The following GUCY1A2 variants were observed in gnomAD, a reference collection of about 807,000 sequenced individuals.
The protein encoded by GUCY1A2 is guanylate cyclase 1 soluble subunit alpha 2, also known as guanylate cyclase soluble subunit alpha-2.
In GUCY1A2, 27 loss-of-function variants were observed where a neutral mutation model predicts 63.5. The ratio of observed to expected loss-of-function variants is 0.43; its 90% CI spans 0.31 to 0.59. GUCY1A2 has a LOEUF of 0.59. Among genes scored for constraint, GUCY1A2 ranks in the 20% least tolerant of loss-of-function variants. The pLI, the probability that GUCY1A2 is intolerant of heterozygous loss-of-function variation, is 0.11. For synonymous variants in GUCY1A2, 364 were observed against 343.5 expected, an observed-to-expected ratio of 1.06 and a Z score of -0.66; for missense variants, 768 against 913.3, an observed-to-expected ratio of 0.84 and a Z score of 2.05.
chr11:106,695,542 C>T (rs1353182958), intron 7 of GUCY1A2, among the ~76,000 whole-genome samples: 1 of 152,104 alleles, frequency 6.6e-6, no homozygotes, highest in Non-Finnish European at 1.5e-5. Context: ...TGTAAAGTTC[C>T]TGAATTTTTC....
chr11:106,983,010 G>C (rs1242193513), intron 2 of GUCY1A2, among the ~76,000 whole-genome samples: 1 of 152,162 alleles, frequency 6.6e-6, no homozygotes, highest in East Asian at 1.9e-4. Flanking sequence ...CAGAACCTCT[G>C]GGAGCAGGGC....
chr11:106,709,463 G>T (rs191701635), intron 6 of GUCY1A2, among the ~76,000 whole-genome samples: 52,732 of 83,626 alleles, frequency 0.63, 17,587 homozygotes, highest in African/African-American at 0.77. Context: ...TATATTTATA[G>T]AATAATATAT....
intron 4 of GUCY1A2, among the ~76,000 whole-genome samples, chr11:106,912,457 A>G (rs1303668212): frequency 1.3e-5 from 2 of 152,134 alleles, no homozygotes; most frequent in African/African-American, 4.8e-5. Flanking sequence ...GTTTAAAAAA[A>G]TATGTTCTCC....
At chr11:106,717,188 A>G (rs1863231574) in intron 6 of GUCY1A2, among the ~76,000 whole-genome samples, 1 of 152,236 alleles carries the variant, frequency 6.6e-6, no homozygotes, top group South Asian at 2.1e-4. Flanking sequence ...AAGATACTCT[A>G]GCTGTGTGAA....
intron 4 of GUCY1A2, among the ~76,000 whole-genome samples, chr11:106,884,262 A>T (rs56210154): frequency 0.032 from 4,844 of 152,272 alleles, 243 homozygotes; most frequent in African/African-American, 0.11. Context: ...CTGTTTTTAC[A>T]AAGTAATATT....
chr11:106,924,314 T>C (rs1332880637), intron 4 of GUCY1A2, among the ~76,000 whole-genome samples: 8 of 152,216 alleles, frequency 5.3e-5, no homozygotes, highest in Non-Finnish European at 1.2e-4. Context: ...TTATACCTTC[T>C]GCATTAATCA....
chr11:106,880,978 C>T (rs1859815212), intron 4 of GUCY1A2, among the ~76,000 whole-genome samples: 1 of 152,076 alleles, frequency 6.6e-6, no homozygotes, highest in African/African-American at 2.4e-5. Flanking sequence ...TAACTAACTG[C>T]AGGACTAAAG....
At chr11:106,856,482 A>G (rs933053434) in intron 4 of GUCY1A2, among the ~76,000 whole-genome samples, 8 of 152,058 alleles carry the variant, frequency 5.3e-5, no homozygotes, top group Non-Finnish European at 8.8e-5. Context: ...TTCCTTATCT[A>G]CAACTCAGAG....
chr11:106,867,649 C>A (rs1234241961), intron 4 of GUCY1A2, among the ~76,000 whole-genome samples: 5 of 151,972 alleles, frequency 3.3e-5, no homozygotes, highest in Non-Finnish European at 5.9e-5. Flanking sequence ...ATGCTAAGGA[C>A]CATTATAGCA....
chr11:106,796,481 A>C (rs1279202413), intron 5 of GUCY1A2, among the ~76,000 whole-genome samples: 1 of 152,060 alleles, frequency 6.6e-6, no homozygotes. Context: ...TTCCTTCAGG[A>C]TGTCTCAGCA....
intron 4 of GUCY1A2, chr11:106,936,674 T>G: frequency 2.0e-6 from 3 of 1,533,190 alleles, no homozygotes; most frequent in Non-Finnish European, 2.6e-6. Context: ...ATCCTGCCAC[T>G]GATAACTGCG....
At chr11:106,839,603 C>T (rs1037826722) in intron 4 of GUCY1A2, among the ~76,000 whole-genome samples, 14 of 151,936 alleles carry the variant, frequency 9.2e-5, no homozygotes, top group African/African-American at 3.4e-4. Context: ...AGACTTGGAA[C>T]CAACCCAAAT....
At chr11:106,917,839 T>C (rs1205216448) in intron 4 of GUCY1A2, among the ~76,000 whole-genome samples, 1 of 138,816 alleles carries the variant, frequency 7.2e-6, no homozygotes, top group African/African-American at 2.5e-5. Flanking sequence ...ATATACCTAA[T>C]GTTAAATGAT....
Position 106,945,565 on chromosome 11 carries a change from C to G in GUCY1A2, c.488-5387G>C, listed in dbSNP as rs574632861. On this transcript the variant is annotated intron_variant, in intron 3 of 7. Coordinates refer to ENST00000526355, the MANE Select transcript of GUCY1A2 (RefSeq NM_000855.3). ...TGTATGTGTACATATACATCATATA[C>G]AAATGTGTACATACATACAAATGTC... 9.2e-5 allele frequency among the ~76,000 whole-genome samples: 14 copies of G among 152,264 alleles called. No homozygotes were observed. In the East Asian group the frequency reaches 2.7e-3, roughly 29 times the overall value.
intron 3 of GUCY1A2, among the ~76,000 whole-genome samples, chr11:106,964,688 A>T (rs1322275635): frequency 6.6e-6 from 1 of 152,210 alleles, no homozygotes; most frequent in African/African-American, 2.4e-5. Context: ...GGTATTTATA[A>T]AATATTTTTG....
At chr11:106,749,269 T>C (rs527262564) in intron 6 of GUCY1A2, among the ~76,000 whole-genome samples, 1 of 152,102 alleles carries the variant, frequency 6.6e-6, no homozygotes, top group Admixed American at 6.6e-5. Context: ...TCTCAGATCA[T>C]ATCCCTGTCA....
chr11:106,823,738 C>T lies in GUCY1A2; in HGVS notation c.1207-13260G>A, dbSNP rs145734662. Among the ~76,000 whole-genome samples the T allele has an allele frequency of 1.7e-3, 265 of 152,044 alleles. 3 individuals are homozygous for T. The highest frequency in any genetic ancestry group is 0.011 in the East Asian group (55 of 5,170). On this transcript the variant is annotated intron_variant, in intron 4 of 7. Coordinates refer to ENST00000526355, the MANE Select transcript of GUCY1A2 (RefSeq NM_000855.3). ...ATCCACACAAACATCTATTGTTTTT[C>T]GACTTTTTAATAATAGCCATTCTGA... is the stretch of plus-strand genomic sequence containing the variant.
chr11:106,801,148 G>A (rs191438718), intron 5 of GUCY1A2, among the ~76,000 whole-genome samples: 1,967 of 152,148 alleles, frequency 0.013, 27 homozygotes, highest in South Asian at 0.049. Context: ...CAAAAATAGT[G>A]CACATTTGTT....
chr11:106,711,451 T>A (rs1464964684), intron 6 of GUCY1A2, among the ~76,000 whole-genome samples: 1 of 152,124 alleles, frequency 6.6e-6, no homozygotes, highest in Non-Finnish European at 1.5e-5. Flanking sequence ...ACATAGACTT[T>A]TATTTGTCTT....
Sources: gnomAD v4.1 joint callset for allele counts (sites outside exome capture counted in the v4.1 genomes callset) on GRCh38, gnomAD v4.1.1 for gene constraint, MANE v1.5 for transcripts, NCBI Gene and HGNC (gene_info 2026-07-23, HGNC 2026-07-21) for gene names.